The following P4HA3 variants were observed in gnomAD, a reference collection of about 807,000 sequenced individuals.
The protein encoded by P4HA3 is prolyl 4-hydroxylase subunit alpha-3.
A neutral mutation model predicts 66.7 loss-of-function variants in P4HA3; 60 were observed. That is an observed-to-expected ratio of 0.90 (90% CI 0.73 to 1.12). P4HA3 has a LOEUF of 1.12. Among genes scored for constraint, P4HA3 ranks in the 50% most tolerant of loss-of-function variants. P4HA3 has a pLI of 0.00. For synonymous variants in P4HA3, 263 were observed against 274.6 expected, an observed-to-expected ratio of 0.96 and a Z score of 0.42; for missense variants, 683 against 685.8, an observed-to-expected ratio of 1.00 and a Z score of 0.05.
Position 74,266,905 on chromosome 11 carries a change from T to C in P4HA3, c.*343A>G. 1 of 1,097,008 alleles carries C rather than the reference T, an allele frequency of 9.1e-7. No homozygotes were observed. Among genetic ancestry groups the C allele is most frequent in the Non-Finnish European group, 1.3e-6 (1 of 792,338 alleles). 68.0% of individuals were successfully genotyped at this position (1,097,008 alleles called of 1,614,324 possible). ...ACTTCTTGGTCCCTGTGGTCAAGGTTCAAAGTGCCAAAAGACCCACTGATC... is the reference window on the plus strand; with the variant it reads ...ACTTCTTGGTCCCTGTGGTCAAGGTCCAAAGTGCCAAAAGACCCACTGATC... On this transcript the variant is annotated 3_prime_UTR_variant, in exon 13 of 13. Transcript: ENST00000331597.
chr11:74,266,868 G>C lies in P4HA3; in HGVS notation c.*380C>G. 1 of 736,464 alleles carries C rather than the reference G, an allele frequency of 1.4e-6. No homozygotes were observed. Among genetic ancestry groups the C allele is most frequent in the Non-Finnish European group, 2.1e-6 (1 of 465,880 alleles). The allele number at this position is 736,464 out of a possible 1,614,324, so 45.6% of individuals were successfully genotyped here. A position where few individuals can be genotyped will look rare whatever the true frequency, so the allele number is the denominator to read the frequency against. ...AGTCAGGCTAGCCCCTCCTGCAGGT[G>C]TCCTCATTGCCACTTCTTGGTCCCT... On this transcript the variant is annotated 3_prime_UTR_variant, in exon 13 of 13. Transcript: ENST00000331597.
intron 3 of P4HA3, among the ~76,000 whole-genome samples, chr11:74,301,765 G>A (rs2134817576): frequency 6.6e-6 from 1 of 152,304 alleles, no homozygotes; most frequent in East Asian, 1.9e-4. Context: ...GGGCGGGGGT[G>A]TTCCTGAAGT....
At chr11:74,267,372 CA>C in intron 12 of P4HA3, 54 bp from the exon 13 acceptor site, 1 of 1,601,926 alleles carries the variant, frequency 6.2e-7, no homozygotes, top group Non-Finnish European at 8.5e-7. Flanking sequence ...CAGACAGCAG[CA>C]ATGCTGCAGA....
chr11:74,285,787 G>C, intron 7 of P4HA3, 22 bp downstream of exon 7: 1 of 1,606,118 alleles, frequency 6.2e-7, no homozygotes, highest in Non-Finnish European at 8.5e-7. Flanking sequence ...AGAAATTCTT[G>C]GCGGGTTCTC....
At chr11:74,280,076 C>T (rs763402082) in intron 7 of P4HA3, among the ~76,000 whole-genome samples, 3 of 152,176 alleles carry the variant, frequency 2.0e-5, no homozygotes, top group Non-Finnish European at 4.4e-5. Flanking sequence ...TATGAAAAGA[C>T]AACAACAGTT....
chr11:74,250,906 G>A (rs1353414476), intron 15 of P4HA3: 4 of 1,491,780 alleles, frequency 2.7e-6, no homozygotes, highest in Non-Finnish European at 3.7e-6. Flanking sequence ...CTGCATAAGA[G>A]AGGGCTCTTT....
downstream of P4HA3, chr11:74,266,557 A>T (rs1859995170): frequency 1.2e-5 from 2 of 161,754 alleles, no homozygotes; most frequent in Admixed American, 5.7e-5. Flanking sequence ...TCCGAGGTGG[A>T]ATCCACAGAT....
intron 6 of P4HA3, 36 bp from the exon 7 acceptor site, chr11:74,286,021 AG>A (rs1488212382): frequency 1.9e-6 from 3 of 1,563,734 alleles, no homozygotes; most frequent in Admixed American, 3.4e-5. Flanking sequence ...TAAGAGAAGA[AG>A]GGTCTAGGAG....
At chr11:74,281,395 A>G (rs1350113363) in intron 7 of P4HA3, among the ~76,000 whole-genome samples, 1 of 152,208 alleles carries the variant, frequency 6.6e-6, no homozygotes, top group Non-Finnish European at 1.5e-5. Context: ...AAGGACTACA[A>G]ATCATGCTGC....
At chr11:74,293,815 A>G (rs1415868289) in intron 4 of P4HA3, among the ~76,000 whole-genome samples, 2 of 152,136 alleles carry the variant, frequency 1.3e-5, no homozygotes, top group Non-Finnish European at 2.9e-5. Context: ...CTGAGAGATC[A>G]GCTGTTAGTC....
intron 7 of P4HA3, among the ~76,000 whole-genome samples, chr11:74,280,793 C>G (rs1313555390): frequency 6.6e-6 from 1 of 152,234 alleles, no homozygotes. Context: ...GACAGAAGCT[C>G]TTTCCCTTCT....
intron 4 of P4HA3, among the ~76,000 whole-genome samples, chr11:74,290,472 T>G (rs1298840): frequency 0.62 from 89,893 of 144,596 alleles, 29,712 homozygotes; most frequent in African/African-American, 0.88. Context: ...GTCAATTTTG[T>G]CTTTTGTTGC....
At chr11:74,267,694 C>T (rs1025295400) in intron 12 of P4HA3, among the ~76,000 whole-genome samples, 1 of 152,200 alleles carries the variant, frequency 6.6e-6, no homozygotes, top group African/African-American at 2.4e-5. Context: ...AGCTTATGAG[C>T]CCCCTTCCAC....
chr11:74,290,759 AT>A (rs1423924740), intron 4 of P4HA3, among the ~76,000 whole-genome samples: 1 of 152,178 alleles, frequency 6.6e-6, no homozygotes, highest in African/African-American at 2.4e-5. Context: ...AGTTGTAGAT[AT>A]GCGGCATTAT....
At chr11:74,288,246 G>A (rs73550754) in intron 5 of P4HA3, among the ~76,000 whole-genome samples, 2 of 152,124 alleles carry the variant, frequency 1.3e-5, no homozygotes, top group Non-Finnish European at 2.9e-5. Context: ...CTCCCTGAAG[G>A]GGGGTGATGC....
In P4HA3 at chr11:74,285,875, A is replaced by C. The variant is rs373654767; in HGVS notation, c.1044T>G (p.Ile348Met). ...CACTGACGAAGTCATGGTAGAGAGC[A>C]ATGTAGGGCTCCAGGTGGATGACCT... ...RKEVIHLEPY[I>M]ALYHDFVSDS... The change falls in exon 7 of 13, where the codon ATT (isoleucine) becomes ATG (methionine). Residue 348 changes from isoleucine (I) to methionine (M), a missense_variant. By Grantham distance (10) the Ile-to-Met change is conservative (BLOSUM62 1). Coordinates refer to ENST00000331597, the MANE Select transcript of P4HA3 (RefSeq NM_182904.5). 1 of 1,614,026 alleles carries C rather than the reference A, an allele frequency of 6.2e-7. No individual in the cohort carries two copies. Among genetic ancestry groups the C allele is most frequent in the Non-Finnish European group, 8.5e-7 (1 of 1,179,914 alleles).
chr11:74,258,203 C>T (rs897944607), intron 15 of P4HA3, among the ~76,000 whole-genome samples: 7 of 152,232 alleles, frequency 4.6e-5, no homozygotes, highest in African/African-American at 1.7e-4. Flanking sequence ...CCTTATTCCT[C>T]GAGCTGGCTT....
chr11:74,269,364 T>C (rs1860107954), intron 11 of P4HA3, among the ~76,000 whole-genome samples: 1 of 152,138 alleles, frequency 6.6e-6, no homozygotes, highest in African/African-American at 2.4e-5. Flanking sequence ...CCAAAGTAAA[T>C]AAAACAGAGC....
chr11:74,273,084 C>T (rs1860261752), intron 10 of P4HA3, among the ~76,000 whole-genome samples: 2 of 152,020 alleles, frequency 1.3e-5, no homozygotes, highest in South Asian at 4.1e-4. Flanking sequence ...TGCTGAATTT[C>T]TCTCAGTGTC....
Sources: allele counts gnomAD v4.1 joint callset (sites outside exome capture counted in the v4.1 genomes callset), GRCh38; gene constraint gnomAD v4.1.1; transcripts MANE v1.5; gene names NCBI Gene and HGNC (gene_info 2026-07-23, HGNC 2026-07-21).